DNAH5: variants seen among roughly 807,000 people sequenced by gnomAD.
DNAH5 encodes axonemal beta dynein heavy chain 5.
In DNAH5, 372 loss-of-function variants were observed where a neutral mutation model predicts 518.2. The ratio of observed to expected loss-of-function variants is 0.72; its 90% CI spans 0.66 to 0.78. DNAH5 has a LOEUF of 0.78. DNAH5 is among the 30% of genes least tolerant of loss of function. DNAH5 has a pLI of 0.00. For synonymous variants in DNAH5, 2,039 were observed against 2,025.9 expected (o/e 1.01, Z -0.17); for missense variants, 5,523 against 5,687.0 (o/e 0.97, Z 0.93).
chr5:13,888,273 C>T (rs187845410), intron 17 of DNAH5, among the ~76,000 whole-genome samples: 5 of 152,298 alleles, frequency 3.3e-5, no homozygotes, highest in Admixed American at 2.0e-4. Context: ...ACTAATTTTC[C>T]ACCTGAGCAT....
Position 13,871,581 on chromosome 5 carries a change from G to C in DNAH5, c.3581C>G (p.Ser1194Cys). ...NAEPEYVCVG[S>C]IALYTADLKF... is the part of the protein sequence containing the mutation. ...GAACCAACCTGTGTACAGAGCAATG[G>C]AACCCACACAGACATATTCAGGCTC... Residue 1194 changes from serine to cysteine, a missense_variant, in exon 23 of 79, where the codon TCC (serine) becomes TGC (cysteine). Physicochemically the swap from Ser to Cys is moderately radical, Grantham distance 112 (BLOSUM62 -1). Transcript: ENST00000265104. The C allele has an allele frequency of 6.2e-7, 1 of 1,613,394 alleles. No homozygotes were observed. Among genetic ancestry groups the C allele is most frequent in the Non-Finnish European group, 8.5e-7 (1 of 1,179,502 alleles).
At position 13,923,369 on chromosome 5, in the gene DNAH5, C is replaced by G. The variant is rs116128702; in HGVS notation, c.349G>C (p.Glu117Gln). 14 of 1,614,172 alleles carry G rather than the reference C, an allele frequency of 8.7e-6. No individual in the cohort carries two copies. The highest frequency in any genetic ancestry group is 1.2e-5 in the Non-Finnish European group (14 of 1,180,012). The change falls in exon 4 of 79, where the codon GAG becomes CAG. Residue 117 changes from glutamate to glutamine, a missense_variant. Glu to Gln is a conservative substitution (Grantham distance 29, BLOSUM62 2). Around this residue, in one of 3 missense-constraint regions of DNAH5, gnomAD observed 5,121 missense variants for 5,223.3 expected, o/e 0.98. Transcript: ENST00000265104. ...CCAGTAAGAGCCACATCGTTTCCCT[C>G]GGTCACGAACACCTTAGGTTTTTTA... ...KIKKPKVFVT[E>Q]GNDVALTGVC...
chr5:13,736,152 C>T (rs1046421684), intron 66 of DNAH5, among the ~76,000 whole-genome samples: 14 of 152,106 alleles, frequency 9.2e-5, no homozygotes, highest in Non-Finnish European at 1.5e-5. Context: ...AATGGTACTT[C>T]TCATTTTAGA....
At chr5:13,750,195 T>C (rs192300992) in intron 65 of DNAH5, among the ~76,000 whole-genome samples, 125 of 152,314 alleles carry the variant, frequency 8.2e-4, no homozygotes, top group African/African-American at 2.3e-3. Flanking sequence ...AAGACTTTGC[T>C]GACTGTATTA....
At position 13,840,924 on chromosome 5, in the gene DNAH5, C is replaced by A. The variant is rs766126012; in HGVS notation, c.5691G>T (p.Arg1897Ser). 4.3e-6 allele frequency: 7 copies of A among 1,613,556 alleles called. No homozygotes were observed. The highest frequency in any genetic ancestry group is 5.9e-6 in the Non-Finnish European group (7 of 1,179,548). Residue 1897 changes from arginine (R) to serine (S), a missense_variant, in exon 34 of 79, where the codon AGG becomes AGT. Arg to Ser is a moderately radical substitution (Grantham distance 110). This residue lies in a region of DNAH5 where 5,121 missense variants were observed against 5,223.3 expected (regional missense o/e 0.98). Coordinates refer to ENST00000265104, the MANE Select transcript of DNAH5 (RefSeq NM_001369.3). ...ETLITIHVHQ[R>S]DIFDDLCHMH... ...AATTTACCAGGTCATCAAAGATATC[C>A]CTTTGGTGCACATGAATAGTAATCA...
chr5:13,754,631 CG>C (rs1270186362), intron 61 of DNAH5, among the ~76,000 whole-genome samples: 1 of 151,998 alleles, frequency 6.6e-6, no homozygotes, highest in Non-Finnish European at 1.5e-5. Context: ...CTCTGCCTCC[CG>C]GGTTCAAGTG....
intron 1 of DNAH5, among the ~76,000 whole-genome samples, chr5:13,978,056 C>T (rs1412696786): frequency 1.3e-5 from 2 of 152,156 alleles, no homozygotes; most frequent in East Asian, 1.9e-4. Flanking sequence ...AGCTTTGAGG[C>T]CCAAGGGGCC....
At chr5:13,766,564 A>G (rs2126764654) in intron 58 of DNAH5, among the ~76,000 whole-genome samples, 1 of 152,350 alleles carries the variant, frequency 6.6e-6, no homozygotes, top group Middle Eastern at 3.4e-3. Context: ...TTTACTTATT[A>G]GCTATGTAGG....
chr5:13,871,679 T>G lies in DNAH5; in HGVS notation c.3483A>C (p.Thr1161=). 2 of 1,613,806 alleles carry G rather than the reference T, an allele frequency of 1.2e-6. No individual in the cohort carries two copies. Among genetic ancestry groups the G allele is most frequent in the Non-Finnish European group, 1.7e-6 (2 of 1,179,812 alleles). Residue 1161 remains threonine, a synonymous_variant, in exon 23 of 79, where the codon ACA becomes ACC. Transcript: ENST00000265104. The part of the protein sequence containing the change: ...GKEEAIKTFI[T]QSPLLSEFES... ...CAAATTCAGAAAGCAAGGGGCTCTG[T>G]GTAATAAATGTCTTAATGGCTTCTT...
intron 1 of DNAH5, among the ~76,000 whole-genome samples, chr5:13,988,860 G>A (rs1783265883): frequency 6.6e-6 from 1 of 151,480 alleles, no homozygotes; most frequent in South Asian, 2.1e-4. Context: ...CCAAGTAGCT[G>A]GGATTACAGG....
At chr5:13,788,394 C>G (rs529758064) in intron 51 of DNAH5, among the ~76,000 whole-genome samples, 194 of 152,298 alleles carry the variant, frequency 1.3e-3, no homozygotes, top group South Asian at 7.3e-3. Flanking sequence ...GCCCAGCTAA[C>G]TAATGTGTGG....
Position 13,698,266 on chromosome 5 carries a change from G to A in DNAH5, c.13723+2374C>T, listed in dbSNP as rs145668770. 2.0e-5 allele frequency among the ~76,000 whole-genome samples: 3 copies of A among 152,334 alleles called. No homozygotes were observed. The East Asian group carries it at 5.8e-4, about 29-fold the overall frequency. On this transcript the variant is annotated intron_variant, in intron 78 of 78. Coordinates refer to ENST00000265104, the MANE Select transcript of DNAH5 (RefSeq NM_001369.3). ...TCTGTAGTATTTTGTTATAGCAACA[G>A]AAAATGGACTAAGACACCATGCATG...
intron 47 of DNAH5, among the ~76,000 whole-genome samples, chr5:13,805,978 C>T (rs1472918093): frequency 6.6e-6 from 1 of 152,142 alleles, no homozygotes; most frequent in Non-Finnish European, 1.5e-5. Flanking sequence ...CAGAACTACA[C>T]TGTAGGCCTA....
rs189803620 is a variant in DNAH5, at chr5:13,804,033, C to G, written c.7887+3558G>C. ...AAATTATCTTAATTTTTGCTTTCTT[C>G]TTTTCACCTTCTTGTATTGCTTAAA... On this transcript the variant is annotated intron_variant, in intron 47 of 78. Coordinates refer to ENST00000265104, the MANE Select transcript of DNAH5 (RefSeq NM_001369.3). 3.7e-3 allele frequency among the ~76,000 whole-genome samples: 565 copies of G among 151,820 alleles called. 1 individual carries two copies. Among genetic ancestry groups the G allele is most frequent in the Middle Eastern group, 6.8e-3 (2 of 294 alleles).
At chr5:13,837,793 C>T (rs1764605645) in intron 35 of DNAH5, among the ~76,000 whole-genome samples, 2 of 146,948 alleles carry the variant, frequency 1.4e-5, no homozygotes, top group South Asian at 2.2e-4. Context: ...ACCTCCGCCT[C>T]GGGTTCAAGT....
chr5:13,869,194 A>G (rs908647406), intron 24 of DNAH5, among the ~76,000 whole-genome samples: 28 of 152,164 alleles, frequency 1.8e-4, no homozygotes, highest in Non-Finnish European at 2.6e-4. Context: ...TCTCATGGTA[A>G]TGTGAAAATT....
intron 76 of DNAH5, among the ~76,000 whole-genome samples, chr5:13,704,297 C>T (rs916685966): frequency 7.0e-6 from 1 of 142,780 alleles, no homozygotes; most frequent in African/African-American, 3.0e-5. Flanking sequence ...TCTTCTGCTC[C>T]CACACTCTCT....
intron 65 of DNAH5, among the ~76,000 whole-genome samples, chr5:13,747,246 C>T (rs1241908904): frequency 6.6e-6 from 1 of 152,158 alleles, no homozygotes; most frequent in Non-Finnish European, 1.5e-5. Context: ...GCATAGTATT[C>T]CATGGTGTAT....
chr5:13,766,246 T>C, intron 58 of DNAH5, 67 bp from the exon 59 acceptor site: 1 of 1,542,080 alleles, frequency 6.5e-7, no homozygotes, highest in East Asian at 2.2e-5. Flanking sequence ...ACCTTGCATG[T>C]CCAAATGCTG....
Sources: gnomAD v4.1 joint callset for allele counts (sites outside exome capture counted in the v4.1 genomes callset) on GRCh38, gnomAD v4.1.1 for gene constraint, gnomAD v4.1.1 regional missense constraint, MANE v1.5 for transcripts, NCBI Gene and HGNC (gene_info 2026-07-23, HGNC 2026-07-21) for gene names.